AGMO: variants seen among roughly 807,000 people sequenced by gnomAD.
AGMO encodes the protein alkylglycerol monooxygenase, also known as glyceryl-ether monooxygenase.
AGMO carries 75 observed loss-of-function variants against 60.2 expected under a neutral mutation model. That is an observed-to-expected ratio of 1.25 (90% confidence interval 1.03 to 1.51). The LOEUF (loss-of-function observed/expected upper bound fraction) is 1.51. Among genes scored for constraint, AGMO ranks in the 40% most tolerant of loss-of-function variants. The pLI, the probability that AGMO is intolerant of heterozygous loss-of-function variation, is 0.00. For missense variants in AGMO, 763 were observed against 525.5 expected (o/e 1.45, Z -4.42); for synonymous variants, 261 against 177.1 (o/e 1.47, Z -3.76).
intron 10 of AGMO, among the ~76,000 whole-genome samples, chr7:15,370,289 C>T (rs868601662): frequency 1.3e-5 from 2 of 152,196 alleles, no homozygotes; most frequent in Admixed American, 6.5e-5. Flanking sequence ...TTTTCTTCAA[C>T]AACCAATCCT....
chr7:15,342,656 C>T lies in AGMO; in HGVS notation c.1263+22858G>A, dbSNP rs112032290. Among the ~76,000 whole-genome samples, 79 of 151,246 alleles carry T rather than the reference C, an allele frequency of 5.2e-4. 2 individuals are homozygous for T. Among genetic ancestry groups the T allele is most frequent in the Middle Eastern group, 6.8e-3 (2 of 292 alleles). ...CGGCTTTCTCTCCTGATTTTGCGCG[C>T]GTGTGTGTGTGTAAAAGCTTGTTTC... On this transcript the variant is annotated intron_variant, in intron 12 of 12. Transcript: ENST00000342526.
intron 12 of AGMO, among the ~76,000 whole-genome samples, chr7:15,317,940 T>TAC (rs112894307): frequency 2.8e-4 from 40 of 140,484 alleles, no homozygotes; most frequent in East Asian, 5.9e-4. Flanking sequence ...TATATATATA[T>TAC]ACACACACAC....
chr7:15,290,297 G>T (rs532406694), intron 12 of AGMO, among the ~76,000 whole-genome samples: 1 of 152,254 alleles, frequency 6.6e-6, no homozygotes, highest in African/African-American at 2.4e-5. Flanking sequence ...GAAGTGTTGG[G>T]ATTACAGGTG....
intron 3 of AGMO, among the ~76,000 whole-genome samples, chr7:15,472,116 T>C (rs1331462992): frequency 1.3e-5 from 2 of 151,930 alleles, no homozygotes; most frequent in African/African-American, 4.8e-5. Flanking sequence ...TGGTAGACAT[T>C]AAACTCCTTG....
intron 12 of AGMO, among the ~76,000 whole-genome samples, chr7:15,262,374 C>T (rs1448990486): frequency 6.6e-6 from 1 of 151,950 alleles, no homozygotes; most frequent in African/African-American, 2.4e-5. Flanking sequence ...ACCCCATTTA[C>T]AATAACTGCA....
intron 4 of AGMO, among the ~76,000 whole-genome samples, chr7:15,430,627 T>C (rs544261634): frequency 9.2e-6 from 1 of 108,178 alleles, no homozygotes; most frequent in Non-Finnish European, 2.0e-5. Context: ...AACTGGTTTT[T>C]TTTAAAAAAA....
intron 3 of AGMO, among the ~76,000 whole-genome samples, chr7:15,473,656 C>A (rs1407524041): frequency 6.6e-6 from 1 of 152,056 alleles, no homozygotes; most frequent in Non-Finnish European, 1.5e-5. Context: ...CAGTACAAGA[C>A]AAGGATGACC....
At chr7:15,459,742 T>C (rs755011835) in intron 3 of AGMO, among the ~76,000 whole-genome samples, 1 of 151,988 alleles carries the variant, frequency 6.6e-6, no homozygotes, top group Non-Finnish European at 1.5e-5. Context: ...TGGACTGTAT[T>C]TGACTCAGTT....
At chr7:15,335,118 T>G (rs1441893031) in intron 12 of AGMO, among the ~76,000 whole-genome samples, 1 of 152,182 alleles carries the variant, frequency 6.6e-6, no homozygotes. Context: ...AATAAACTAA[T>G]GTAAAGTGTT....
Position 15,210,412 on chromosome 7 carries a change from G to C in AGMO, c.1264-9053C>G, listed in dbSNP as rs1265454796. On this transcript the variant is annotated intron_variant, in intron 12 of 12. Coordinates refer to ENST00000342526, the MANE Select transcript of AGMO (RefSeq NM_001004320.2). ...AGATGTTGATTTACTTTTTAAGTCA[G>C]ATGGACAGAATTTCCTGGCTTTTAA... Among the ~76,000 whole-genome samples, 5 of 152,256 alleles carry C rather than the reference G, an allele frequency of 3.3e-5. No homozygotes were observed. The East Asian group carries it at 7.7e-4, about 24-fold the overall frequency.
intron 12 of AGMO, among the ~76,000 whole-genome samples, chr7:15,281,673 G>A (rs1228003965): frequency 1.3e-5 from 2 of 152,098 alleles, no homozygotes; most frequent in Admixed American, 1.3e-4. Context: ...TCAGGACAGA[G>A]GCATTTGCAA....
chr7:15,292,660 A>C (rs1266366467), intron 12 of AGMO, among the ~76,000 whole-genome samples: 1 of 152,036 alleles, frequency 6.6e-6, no homozygotes, highest in African/African-American at 2.4e-5. Flanking sequence ...AATAAAAAGA[A>C]AGACAAAGAA....
At chr7:15,348,296 T>C (rs552426957) in intron 12 of AGMO, among the ~76,000 whole-genome samples, 1 of 152,020 alleles carries the variant, frequency 6.6e-6, no homozygotes, top group African/African-American at 2.4e-5. Context: ...TACATCAATA[T>C]AGTGCTAAAG....
At chr7:15,390,228 A>G (rs1784081069) in intron 8 of AGMO, among the ~76,000 whole-genome samples, 1 of 152,122 alleles carries the variant, frequency 6.6e-6, no homozygotes, top group South Asian at 2.1e-4. Context: ...GACTTAACCA[A>G]TCTGTAATAG....
At chr7:15,239,893 C>T (rs1782538818) in intron 12 of AGMO, among the ~76,000 whole-genome samples, 1 of 152,094 alleles carries the variant, frequency 6.6e-6, no homozygotes, top group African/African-American at 2.4e-5. Context: ...TTGTCTAGGA[C>T]ATGTAAGGAC....
Position 15,201,189 on chromosome 7 carries a change from A to C in AGMO, c.*96T>G, listed in dbSNP as rs1781269521. On this transcript the variant is annotated 3_prime_UTR_variant, in exon 13 of 13. Coordinates refer to ENST00000342526, the MANE Select transcript of AGMO (RefSeq NM_001004320.2). Reference sequence around the variant, plus strand: ...TTACTTTTCATTGAAGAAATAGTTCATATAAGCATTACATAAAATAATTAC... The same window carrying C: ...TTACTTTTCATTGAAGAAATAGTTCCTATAAGCATTACATAAAATAATTAC... The C allele has an allele frequency of 1.5e-6, 1 of 686,158 alleles. No individual in the cohort carries two copies. Among genetic ancestry groups the C allele is most frequent in the Admixed American group, 3.1e-5 (1 of 32,650 alleles). 42.5% of individuals were successfully genotyped at this position (686,158 alleles called of 1,614,324 possible). A position where few individuals can be genotyped will look rare whatever the true frequency, so the allele number is the denominator to read the frequency against.
chr7:15,200,129 A>C (rs1185184569), downstream of AGMO, among the ~76,000 whole-genome samples: 1 of 151,956 alleles, frequency 6.6e-6, no homozygotes, highest in Non-Finnish European at 1.5e-5. Context: ...AAATTATTAA[A>C]TTTTATTATT....
chr7:15,299,541 T>C (rs966925806), intron 12 of AGMO, among the ~76,000 whole-genome samples: 4 of 151,998 alleles, frequency 2.6e-5, no homozygotes, highest in Non-Finnish European at 4.4e-5. Context: ...GTATATATTA[T>C]ATGGCCAGGT....
chr7:15,487,791 C>T (rs1457407101), intron 3 of AGMO, among the ~76,000 whole-genome samples: 2 of 151,764 alleles, frequency 1.3e-5, no homozygotes, highest in Non-Finnish European at 2.9e-5. Flanking sequence ...GTAATGAAAA[C>T]TATATTCAGA....
Sources: gnomAD v4.1 joint callset for allele counts (sites outside exome capture counted in the v4.1 genomes callset) on GRCh38, gnomAD v4.1.1 for gene constraint, MANE v1.5 for transcripts, NCBI Gene and HGNC (gene_info 2026-07-23, HGNC 2026-07-21) for gene names.